The following PXDC1 variants were observed in gnomAD, a reference collection of about 807,000 sequenced individuals.
The protein encoded by PXDC1 is PX domain-containing protein 1.
PXDC1 carries 13 observed loss-of-function variants against 24.4 expected under a neutral mutation model. The ratio of observed to expected loss-of-function variants is 0.53; its 90% CI spans 0.35 to 0.85. The LOEUF is 0.85. Among genes scored for constraint, PXDC1 ranks in the 40% least tolerant of loss-of-function variants. PXDC1 has a pLI of 0.01. For synonymous variants in PXDC1, 162 were observed against 124.9 expected, an observed-to-expected ratio of 1.30 and a Z score of -1.98; for missense variants, 344 against 309.3, an observed-to-expected ratio of 1.11 and a Z score of -0.84.
At position 3,745,433 on chromosome 6, in the gene PXDC1, G is replaced by A. The variant is rs1162860674; in HGVS notation, c.256+5843C>T. 4.6e-5 allele frequency among the ~76,000 whole-genome samples: 7 copies of A among 152,250 alleles called. No individual in the cohort carries two copies. The South Asian group carries it at 8.3e-4, about 18-fold the overall frequency. On this transcript the variant is annotated intron_variant, in intron 1 of 4. Transcript: ENST00000380283. ...CTTTCGGTACTCACAACGGCCCTGC[G>A]TGCGGATATTATTACTGCTATAGCA... is the stretch of plus-strand genomic sequence containing the variant.
At chr6:3,733,572 C>T (rs1019066951) in intron 3 of PXDC1, among the ~76,000 whole-genome samples, 9 of 151,930 alleles carry the variant, frequency 5.9e-5, no homozygotes, top group African/African-American at 1.9e-4. Context: ...AAACCAGACT[C>T]GGTGACCGGC....
In PXDC1 at chr6:3,725,722, G is replaced by A. The variant is rs778551749; in HGVS notation, c.578+1829C>T. ...AACCCCCCACCCGACAGCCGGTGCC[G>A]TGTAGAAACAGATCGTCCCTGTGAG... On this transcript the variant is annotated intron_variant, in intron 4 of 4. Transcript: ENST00000380283. The surrounding 1 kb of genome is among the most constrained non-coding windows in gnomAD (Gnocchi z 4.8). Among the ~76,000 whole-genome samples the A allele has an allele frequency of 3.8e-4, 58 of 152,356 alleles. 1 individual carries two copies. The highest frequency in any genetic ancestry group is 6.6e-4 in the Non-Finnish European group (45 of 68,026).
At chr6:3,738,947 G>C in intron 1 of PXDC1, 1 of 1,299,204 alleles carries the variant, frequency 7.7e-7, no homozygotes, top group Non-Finnish European at 1.0e-6. Context: ...ACACTTGTGT[G>C]ACCGAGGCTG....
rs1471482409 is a variant in PXDC1 at position 3,737,656 on chromosome 6, C to G, written c.348+401G>C. The G allele has an allele frequency of 3.0e-6, 3 of 985,422 alleles. No homozygotes were observed. Among genetic ancestry groups the G allele is most frequent in the African/African-American group, 3.5e-5 (2 of 57,350 alleles). 61.0% of individuals were successfully genotyped at this position (985,422 alleles called of 1,614,324 possible). A position where few individuals can be genotyped will look rare whatever the true frequency, so the allele number is the denominator to read the frequency against. Reference sequence around the variant, plus strand: ...GACGGTCAAATCCGGGCAACGTGCCCCGCTGTGCTGACGCCAACGTTCTTC... The same window carrying G: ...GACGGTCAAATCCGGGCAACGTGCCGCGCTGTGCTGACGCCAACGTTCTTC... On this transcript the variant is annotated intron_variant, in intron 2 of 4. Transcript: ENST00000380283. The surrounding 1 kb of genome is among the most constrained non-coding windows in gnomAD (Gnocchi z 5.5).
Position 3,728,866 on chromosome 6 carries a change from C to A in PXDC1, c.467-1204G>T, listed in dbSNP as rs1186090911. On this transcript the variant is annotated intron_variant, in intron 3 of 4. Coordinates refer to ENST00000380283, the MANE Select transcript of PXDC1 (RefSeq NM_183373.4). The surrounding 1 kb of genome is among the most constrained non-coding windows in gnomAD (Gnocchi z 4.0). ...GCCAGTTCTTGGAGCTAAAGTCCTC[C>A]AGCTGCCCGTGAGCCTGCTCATCTC... Among the ~76,000 whole-genome samples the A allele has an allele frequency of 6.6e-6, 1 of 152,178 alleles. No homozygotes were observed. The highest frequency in any genetic ancestry group is 1.5e-5 in the Non-Finnish European group (1 of 68,040).
At position 3,751,648 on chromosome 6, in the gene PXDC1, GC is replaced by G; in HGVS notation, c.-118del. The G allele has an allele frequency of 7.5e-7, 1 of 1,331,826 alleles. No individual in the cohort carries two copies. Among genetic ancestry groups the G allele is most frequent in the Non-Finnish European group, 9.6e-7 (1 of 1,045,706 alleles). The allele number at this position is 1,331,826 out of a possible 1,614,324, so 82.5% of individuals were successfully genotyped here. The stretch of plus-strand genomic sequence containing the variant: ...CCGTGGCCGGGGTCGTCCGGGGTCG[GC>G]CCGTCACTCCAAGGAGGCTGCGTAT... On this transcript the variant is annotated 5_prime_UTR_variant, in exon 1 of 5. Coordinates refer to ENST00000380283, the MANE Select transcript of PXDC1 (RefSeq NM_183373.4).
At chr6:3,746,086 G>C (rs1054416308) in intron 1 of PXDC1, among the ~76,000 whole-genome samples, 1 of 152,220 alleles carries the variant, frequency 6.6e-6, no homozygotes, top group African/African-American at 2.4e-5. Context: ...TGAGTCCCTG[G>C]CCTGTTCTGT....
intron 1 of PXDC1, among the ~76,000 whole-genome samples, chr6:3,741,875 C>T (rs1433964066): frequency 6.6e-6 from 1 of 152,132 alleles, no homozygotes; most frequent in East Asian, 1.9e-4. Context: ...GTTTCAAATA[C>T]ACCAAACGGA....
intron 1 of PXDC1, among the ~76,000 whole-genome samples, chr6:3,740,279 C>T (rs1389633210): frequency 1.3e-5 from 2 of 152,190 alleles, no homozygotes; most frequent in East Asian, 3.8e-4. Flanking sequence ...GGTTGATAAC[C>T]TCCAAGGGTC....
chr6:3,739,645 G>A (rs780752378), intron 1 of PXDC1, among the ~76,000 whole-genome samples: 15 of 152,212 alleles, frequency 9.9e-5, no homozygotes, highest in Admixed American at 3.3e-4. Flanking sequence ...ACCCTCTGCC[G>A]TGTTCTCCAG....
rs1029524966 is a variant in PXDC1, at chr6:3,724,102, G to A, written c.579-366C>T. Among the ~76,000 whole-genome samples, 1 of 152,174 alleles carries A rather than the reference G, an allele frequency of 6.6e-6. No homozygotes were observed. The highest frequency in any genetic ancestry group is 2.4e-5 in the African/African-American group (1 of 41,434). Reference sequence around the variant, plus strand: ...GGGAAGAGGCGCCTGCCTCGTGCTGGGCCCTGGGGACAGCTGAGAGAGGAG... The same window carrying A: ...GGGAAGAGGCGCCTGCCTCGTGCTGAGCCCTGGGGACAGCTGAGAGAGGAG... On this transcript the variant is annotated intron_variant, in intron 4 of 4. Transcript: ENST00000380283. This position sits in a 1 kb window ranked among gnomAD's most constrained non-coding sequence, Gnocchi z 4.5.
At position 3,737,344 on chromosome 6, in the gene PXDC1, G is replaced by A. The variant is rs569020976; in HGVS notation, c.349-148C>T. On this transcript the variant is annotated intron_variant, in intron 2 of 4. Transcript: ENST00000380283. The surrounding 1 kb of genome is among the most constrained non-coding windows in gnomAD (Gnocchi z 5.5). ...TGTCCAGATGCTCCCATGGCTGGCC[G>A]CAGGGGCGGGGCTGCCATCACTGCA... is the stretch of plus-strand genomic sequence containing the variant. 45 of 653,684 alleles carry A rather than the reference G, an allele frequency of 6.9e-5. No homozygotes were observed. Among genetic ancestry groups the A allele is most frequent in the Non-Finnish European group, 9.9e-5 (37 of 375,230 alleles). The allele number at this position is 653,684 out of a possible 1,614,324, so 40.5% of individuals were successfully genotyped here.
In PXDC1 at chr6:3,737,235, T is replaced by G. The variant is rs1433671271; in HGVS notation, c.349-39A>C. The G allele has an allele frequency of 7.7e-6, 11 of 1,427,178 alleles. No individual in the cohort carries two copies. The highest frequency in any genetic ancestry group is 1.1e-5 in the Non-Finnish European group (11 of 1,010,332). The allele number at this position is 1,427,178 out of a possible 1,614,324, so 88.4% of individuals were successfully genotyped here. Reference sequence around the variant, plus strand: ...CAGGGATTACTAAAAACGATCAGCCTCTACACGTTGGCCCTGTCTGTCTAC... The same window carrying G: ...CAGGGATTACTAAAAACGATCAGCCGCTACACGTTGGCCCTGTCTGTCTAC... On this transcript the variant is annotated intron_variant, in intron 2 of 4. Coordinates refer to ENST00000380283, the MANE Select transcript of PXDC1 (RefSeq NM_183373.4). This position sits in a 1 kb window ranked among gnomAD's most constrained non-coding sequence, Gnocchi z 5.5.
At chr6:3,732,772 T>TACTC (rs1345243629) in intron 3 of PXDC1, among the ~76,000 whole-genome samples, 2 of 152,138 alleles carry the variant, frequency 1.3e-5, no homozygotes. Flanking sequence ...AAAGCCAAGG[T>TACTC]ACTCAGCACC....
chr6:3,743,228 G>A (rs572499802), intron 1 of PXDC1, among the ~76,000 whole-genome samples: 4 of 152,066 alleles, frequency 2.6e-5, no homozygotes, highest in East Asian at 3.9e-4. Context: ...GCTCGGGTGC[G>A]CTGGGAGGTC....
At chr6:3,734,267 T>C (rs1760267770) in intron 3 of PXDC1, among the ~76,000 whole-genome samples, 1 of 152,216 alleles carries the variant, frequency 6.6e-6, no homozygotes, top group Non-Finnish European at 1.5e-5. Flanking sequence ...TGCCGGGCAC[T>C]GTGCCTCAGG....
chr6:3,737,788 A>C lies in PXDC1; in HGVS notation c.348+269T>G. 2 of 580,672 alleles carry C rather than the reference A, an allele frequency of 3.4e-6. No individual in the cohort carries two copies. The highest frequency in any genetic ancestry group is 4.3e-6 in the Non-Finnish European group (2 of 460,508). The allele number at this position is 580,672 out of a possible 1,614,324, so 36.0% of individuals were successfully genotyped here. On this transcript the variant is annotated intron_variant, in intron 2 of 4. Transcript: ENST00000380283. The surrounding 1 kb of genome is among the most constrained non-coding windows in gnomAD (Gnocchi z 5.5). ...AGCCAGAGGGGATCCGCACCCTTCC[A>C]CCCATGCCTCCTTGCATCCCTCATT...
chr6:3,738,748 C>T, intron 1 of PXDC1: 1 of 1,286,590 alleles, frequency 7.8e-7, no homozygotes, highest in Non-Finnish European at 1.0e-6. Flanking sequence ...ACGGTCACCA[C>T]ACACCCGAGT....
In PXDC1 at chr6:3,748,223, C is replaced by T. The variant is rs1292524747; in HGVS notation, c.256+3053G>A. On this transcript the variant is annotated intron_variant, in intron 1 of 4. Transcript: ENST00000380283. ...CCACTGGTGTTAAGAGTCTGGAAAA[C>T]ACAAGAACGGAACACCTTGGTAACC... Among the ~76,000 whole-genome samples, 6 of 152,238 alleles carry T rather than the reference C, an allele frequency of 3.9e-5. No individual in the cohort carries two copies. The South Asian group carries it at 8.3e-4, about 21-fold the overall frequency.
Sources: gnomAD v4.1 joint callset for allele counts (sites outside exome capture counted in the v4.1 genomes callset) on GRCh38, gnomAD v4.1.1 for gene constraint, Gnocchi (gnomAD v3.1) non-coding constraint, MANE v1.5 for transcripts, NCBI Gene and HGNC (gene_info 2026-07-23, HGNC 2026-07-21) for gene names.